SCAPER: variants seen among roughly 807,000 people sequenced by gnomAD.
The protein encoded by SCAPER is S-phase cyclin A associated protein in the ER.
In SCAPER, 98 loss-of-function variants were observed where a neutral mutation model predicts 182.2. The ratio of observed to expected loss-of-function variants is 0.54; its 90% CI spans 0.46 to 0.64. The LOEUF (loss-of-function observed/expected upper bound fraction) is 0.64. SCAPER is among the 30% of genes least tolerant of loss of function. SCAPER has a pLI of 0.00. For synonymous variants in SCAPER, 605 were observed against 564.6 expected (o/e 1.07, Z -1.01); for missense variants, 1,432 against 1,690.0 (o/e 0.85, Z 2.68).
At chr15:76,619,587 C>CT (rs950593180) in intron 22 of SCAPER, among the ~76,000 whole-genome samples, 7 of 151,760 alleles carry the variant, frequency 4.6e-5, no homozygotes, top group South Asian at 2.1e-4. Context: ...TTTTTTCTTT[C>CT]TTTTTTTTAT....
chr15:76,825,686 A>G (rs1267078065), intron 5 of SCAPER, among the ~76,000 whole-genome samples: 1 of 152,220 alleles, frequency 6.6e-6, no homozygotes, highest in Non-Finnish European at 1.5e-5. Flanking sequence ...AATAAAAAAC[A>G]GAATCATAAC....
intron 23 of SCAPER, among the ~76,000 whole-genome samples, chr15:76,559,201 ATTT>A (rs58642207): frequency 0.52 from 64,373 of 123,416 alleles, 16,796 homozygotes; most frequent in Middle Eastern, 0.74. Context: ...CACCCAGCTA[ATTT>A]TTTTTTTTTT....
chr15:76,818,603 G>T (rs949662328), intron 5 of SCAPER, among the ~76,000 whole-genome samples: 4 of 152,232 alleles, frequency 2.6e-5, no homozygotes, highest in African/African-American at 9.6e-5. Flanking sequence ...AACAATAAGG[G>T]GGGTGGAGCC....
intron 20 of SCAPER, among the ~76,000 whole-genome samples, chr15:76,684,895 G>C (rs2057940147): frequency 6.6e-6 from 1 of 151,774 alleles, no homozygotes; most frequent in South Asian, 2.1e-4. Context: ...AAAAAAAAGA[G>C]TTCCTAACTT....
rs370029906 is a variant in SCAPER, at chr15:76,471,098, C to CTT, written c.3078+112_3078+113dup. On this transcript the variant is annotated intron_variant, in intron 25 of 31. Coordinates refer to ENST00000563290, the MANE Select transcript of SCAPER (RefSeq NM_020843.4). ...TCTTCACTTTCTTCTTCTTCTTCTT[C>CTT]TTTTTTTTTTTTTTCATCTGGAGAG... 419 of 515,178 alleles carry CTT rather than the reference C, an allele frequency of 8.1e-4. 1 individual carries two copies. Among genetic ancestry groups the CTT allele is most frequent in the Middle Eastern group, 3.1e-3 (5 of 1,592 alleles). 31.9% of individuals were successfully genotyped at this position (515,178 alleles called of 1,614,324 possible).
chr15:76,774,680 G>A (rs1475148680), intron 9 of SCAPER, among the ~76,000 whole-genome samples, 175 bp downstream of exon 9: 1 of 152,136 alleles, frequency 6.6e-6, no homozygotes, highest in Non-Finnish European at 1.5e-5. Flanking sequence ...TGTGAATGTA[G>A]GTGAACAGTA....
intron 22 of SCAPER, among the ~76,000 whole-genome samples, chr15:76,585,916 C>A (rs1490828859): frequency 1.3e-5 from 2 of 152,110 alleles, no homozygotes. Context: ...TTTTTAACAA[C>A]AGAAAGTTTT....
intron 5 of SCAPER, among the ~76,000 whole-genome samples, chr15:76,838,359 A>T (rs2069138134): frequency 6.6e-6 from 1 of 152,188 alleles, no homozygotes; most frequent in Admixed American, 6.5e-5. Flanking sequence ...GAGTACGCAC[A>T]GAAACAAATA....
intron 14 of SCAPER, among the ~76,000 whole-genome samples, chr15:76,755,115 G>C (rs962753002): frequency 6.6e-6 from 1 of 152,068 alleles, no homozygotes; most frequent in Non-Finnish European, 1.5e-5. Flanking sequence ...ATCATATTTA[G>C]ATAAAAGAAA....
At chr15:76,510,861 G>A (rs368373939) in intron 23 of SCAPER, among the ~76,000 whole-genome samples, 1,431 of 116,950 alleles carry the variant, frequency 0.012, 16 homozygotes, top group African/African-American at 0.05. Context: ...AAACTGGTGC[G>A]CGCGTGTGTG....
At chr15:76,791,524 T>A in intron 8 of SCAPER, among the ~76,000 whole-genome samples, 2 of 152,140 alleles carry the variant, frequency 1.3e-5, no homozygotes, top group Admixed American at 1.3e-4. Flanking sequence ...GAAACAGATA[T>A]TAGAATTCAG....
intron 17 of SCAPER, among the ~76,000 whole-genome samples, chr15:76,728,306 C>T (rs1404813302): frequency 1.3e-5 from 2 of 151,812 alleles, no homozygotes; most frequent in African/African-American, 2.4e-5. Flanking sequence ...GTCCTCTAAC[C>T]TTTTACTAAT....
intron 5 of SCAPER, among the ~76,000 whole-genome samples, chr15:76,841,361 T>C (rs1185648163): frequency 6.6e-6 from 1 of 152,120 alleles, no homozygotes; most frequent in Non-Finnish European, 1.5e-5. Flanking sequence ...AATGATCCAG[T>C]CAGGGCCAGG....
intron 1 of SCAPER, among the ~76,000 whole-genome samples, chr15:76,894,080 A>G (rs1481411734): frequency 6.6e-6 from 1 of 152,040 alleles, no homozygotes; most frequent in African/African-American, 2.4e-5. Flanking sequence ...GTGAAACCCC[A>G]TCTCTACTAA....
At chr15:76,353,336 AGTT>A (rs1302850614) in intron 30 of SCAPER, among the ~76,000 whole-genome samples, 7 of 152,122 alleles carry the variant, frequency 4.6e-5, no homozygotes, top group African/African-American at 1.7e-4. Context: ...TCACAGGATG[AGTT>A]AGTTAGTAGC....
intron 8 of SCAPER, among the ~76,000 whole-genome samples, chr15:76,794,375 C>T (rs1320505956): frequency 6.6e-6 from 1 of 152,164 alleles, no homozygotes; most frequent in Non-Finnish European, 1.5e-5. Context: ...ACAGAAACTA[C>T]GTTTTCTGAT....
At chr15:76,367,592 G>A (rs1287211787) in intron 29 of SCAPER, among the ~76,000 whole-genome samples, 1 of 152,088 alleles carries the variant, frequency 6.6e-6, no homozygotes, top group Non-Finnish European at 1.5e-5. Flanking sequence ...TACCTCAGTT[G>A]ACGTCCTGGC....
chr15:76,671,263 G>C (rs971570381), intron 20 of SCAPER, among the ~76,000 whole-genome samples: 9 of 152,146 alleles, frequency 5.9e-5, no homozygotes, highest in Non-Finnish European at 8.8e-5. Flanking sequence ...AGTCTGGGAA[G>C]TTGAGGCAAC....
intron 21 of SCAPER, among the ~76,000 whole-genome samples, chr15:76,662,346 T>C (rs1426887178): frequency 6.6e-6 from 1 of 151,784 alleles, no homozygotes; most frequent in African/African-American, 2.4e-5. Flanking sequence ...TAAAATAAAA[T>C]AAAAATAAAA....
Sources: gnomAD v4.1 joint callset for allele counts (sites outside exome capture counted in the v4.1 genomes callset) on GRCh38, gnomAD v4.1.1 for gene constraint, MANE v1.5 for transcripts, NCBI Gene and HGNC (gene_info 2026-07-23, HGNC 2026-07-21) for gene names.